COL1A2: variants seen among roughly 807,000 people sequenced by gnomAD.
COL1A2 encodes collagen type I alpha 2 chain.
A neutral mutation model predicts 174.3 loss-of-function variants in COL1A2; 49 were observed. The observed-to-expected ratio is 0.28, with a 90% CI of 0.22 to 0.36. The LOEUF (loss-of-function observed/expected upper bound fraction) is 0.36, where lower values mean the gene tolerates loss of function less well. Among genes scored for constraint, COL1A2 ranks in the 10% least tolerant of loss-of-function variants. The pLI is 1.00. For synonymous variants in COL1A2, 655 were observed against 606.6 expected (o/e 1.08, Z -1.17); for missense variants, 1,438 against 1,822.7 (o/e 0.79, Z 3.84).
rs779932887 is a variant in COL1A2, at chr7:94,400,246, T to TCCTGGTCCA, written c.192_200dup (p.Pro70_Gly72dup). ...ATGGTGAAGATGGTCCCACAGGCCCTCCTGGTCCACCTGGTCCTCCTGGCC... is the reference window on the plus strand; with the variant it reads ...ATGGTGAAGATGGTCCCACAGGCCCTCCTGGTCCACCTGGTCCACCTGGTCCTCCTGGCC... On this transcript the variant is annotated inframe_insertion, in exon 5 of 52. Transcript: ENST00000297268. The TCCTGGTCCA allele has an allele frequency of 1.1e-5, 17 of 1,612,378 alleles. No homozygotes were observed. The highest frequency in any genetic ancestry group is 1.2e-5 in the Non-Finnish European group (14 of 1,179,772).
rs770061994 is a variant in COL1A2 at position 94,428,388 on chromosome 7, C to A, written c.3622C>A (p.Pro1208Thr). The change falls in exon 50 of 52, where the codon CCT (proline) becomes ACT (threonine). Residue 1208 changes from proline (P) to threonine (T), a missense_variant. This residue lies in a region of COL1A2 where 290 missense variants were observed against 298.1 expected (regional missense o/e 0.97). Coordinates refer to ENST00000297268, the MANE Select transcript of COL1A2 (RefSeq NM_000089.4). ...TGGCGAAACCTGTATCCGGGCCCAACCTGAAAACATCCCAGCCAAGAACTG... is the reference window on the plus strand; with the variant it reads ...TGGCGAAACCTGTATCCGGGCCCAAACTGAAAACATCCCAGCCAAGAACTG... The part of the protein sequence containing the change: ...STGETCIRAQ[P>T]ENIPAKNWYR... 1 of 1,614,060 alleles carries A rather than the reference C, an allele frequency of 6.2e-7. No individual in the cohort carries two copies. The highest frequency in any genetic ancestry group is 8.5e-7 in the Non-Finnish European group (1 of 1,179,976).
In COL1A2 at chr7:94,418,571, G is replaced by C. The variant is rs746776060; in HGVS notation, c.2025+19G>C. On this transcript the variant is annotated intron_variant, in intron 33 of 51. Transcript: ENST00000297268. Reference sequence around the variant, plus strand: ...TGCTCGTGTGAGTAGAATTTTGTTTGTATGTTTCTTCGTACTTGGATTTTT... The same window carrying C: ...TGCTCGTGTGAGTAGAATTTTGTTTCTATGTTTCTTCGTACTTGGATTTTT... 1 of 1,606,222 alleles carries C rather than the reference G, an allele frequency of 6.2e-7. No individual in the cohort carries two copies. The highest frequency in any genetic ancestry group is 8.5e-7 in the Non-Finnish European group (1 of 1,177,398).
At chr7:94,419,602 T>C in intron 34 of COL1A2, 51 bp downstream of exon 34, 1 of 1,601,274 alleles carries the variant, frequency 6.2e-7, no homozygotes, top group East Asian at 2.2e-5. Context: ...ATTTCCCGCC[T>C]TCCCTAGTCC....
Position 94,409,010 on chromosome 7 carries a change from C to A in COL1A2, c.792+187C>A, listed in dbSNP as rs1791861701. On this transcript the variant is annotated intron_variant, in intron 16 of 51. Transcript: ENST00000297268. Reference sequence around the variant, plus strand: ...ATTTGAAATAGATCATTTCTCTGCACTGTGCACTGTGCCCATCGATATAGA... The same window carrying A: ...ATTTGAAATAGATCATTTCTCTGCAATGTGCACTGTGCCCATCGATATAGA... Among the ~76,000 whole-genome samples, 3 of 152,100 alleles carry A rather than the reference C, an allele frequency of 2.0e-5. No homozygotes were observed. In the South Asian group the frequency reaches 6.2e-4, roughly 32 times the overall value.
At position 94,416,411 on chromosome 7, in the gene COL1A2, C is replaced by T. The variant is rs1792042370; in HGVS notation, c.1771C>T (p.Arg591Cys). 5.7e-6 allele frequency: 9 copies of T among 1,572,690 alleles called. No individual in the cohort carries two copies. Among genetic ancestry groups the T allele is most frequent in the East Asian group, 4.7e-5 (2 of 42,698 alleles). The change falls in exon 31 of 52, where the codon CGC becomes TGC. Residue 591 changes from arginine to cysteine, a missense_variant. Physicochemically the swap from Arg to Cys is radical, Grantham distance 180. Transcript: ENST00000297268. ...LPGPAGPRGE[R>C]GPPGESGAAG... ...TTCTAATCACTTTTTTCAGGGGGAACGCGGTCCCCCAGGTGAGAGTGGTGC... is the reference window on the plus strand; with the variant it reads ...TTCTAATCACTTTTTTCAGGGGGAATGCGGTCCCCCAGGTGAGAGTGGTGC...
chr7:94,429,705 G>T (rs955973952), intron 51 of COL1A2: 20 of 368,228 alleles, frequency 5.4e-5, no homozygotes, highest in African/African-American at 3.1e-4. Flanking sequence ...TCCATGCATT[G>T]TTTTTTCTTT....
intron 16 of COL1A2, 113 bp from the exon 17 acceptor site, chr7:94,409,209 T>G: frequency 1.0e-6 from 1 of 1,003,512 alleles, no homozygotes; most frequent in Non-Finnish European, 1.6e-6. Flanking sequence ...ATAAGAAAAA[T>G]AATTGCAATT....
chr7:94,410,208 T>A lies in COL1A2; in HGVS notation c.1036-34T>A. On this transcript the variant is annotated intron_variant, in intron 19 of 51. Coordinates refer to ENST00000297268, the MANE Select transcript of COL1A2 (RefSeq NM_000089.4). ...CTGCAAGAGAGTTTCAACAAATGTTTGTCCTTTGACCACTGTTCTGTATTG... is the reference window on the plus strand; with the variant it reads ...CTGCAAGAGAGTTTCAACAAATGTTAGTCCTTTGACCACTGTTCTGTATTG... 2.5e-6 allele frequency: 4 copies of A among 1,609,740 alleles called. 1 individual carries two copies. In the South Asian group the frequency reaches 4.4e-5, roughly 18 times the overall value.
In COL1A2 at chr7:94,410,238, C is replaced by T. The variant is rs763364521; in HGVS notation, c.1036-4C>T. The T allele has an allele frequency of 6.2e-7, 1 of 1,613,636 alleles. No homozygotes were observed. Among genetic ancestry groups the T allele is most frequent in the Non-Finnish European group, 8.5e-7 (1 of 1,179,984 alleles). On this transcript the variant is annotated splice_polypyrimidine_tract_variant and splice_region_variant and intron_variant, in intron 19 of 51. Coordinates refer to ENST00000297268, the MANE Select transcript of COL1A2 (RefSeq NM_000089.4). ...TTTGACCACTGTTCTGTATTGAACC[C>T]TAGGGTGAGCCTGGTCCAGCTGGCT...
rs1792199255 is a variant in COL1A2 at position 94,422,982 on chromosome 7, C to G, written c.2429C>G (p.Pro810Arg). ...GGTATTTCTGGCCCTCCTGGTCCCCCTGGTCCTGCTGGGAAAGAAGGGCTT... is the reference window on the plus strand; with the variant it reads ...GGTATTTCTGGCCCTCCTGGTCCCCGTGGTCCTGCTGGGAAAGAAGGGCTT... ...PSGISGPPGP[P>R]GPAGKEGLRG... is the part of the protein sequence containing the mutation. Residue 810 changes from proline to arginine, a missense_variant, in exon 40 of 52, where the codon CCT becomes CGT. Physicochemically the swap from Pro to Arg is moderately radical, Grantham distance 103. Transcript: ENST00000297268. 6.2e-7 allele frequency: 1 copy of G among 1,614,132 alleles called. No homozygotes were observed. The highest frequency in any genetic ancestry group is 1.1e-5 in the South Asian group (1 of 91,070).
intron 32 of COL1A2, 151 bp downstream of exon 32, chr7:94,417,982 C>T: frequency 1.4e-6 from 1 of 699,330 alleles, no homozygotes; most frequent in East Asian, 2.7e-5. Context: ...AGCACCTACA[C>T]ATTTCTAAAC....
At chr7:94,418,264 G>A (rs1025872188) in intron 32 of COL1A2, among the ~76,000 whole-genome samples, 8 of 151,956 alleles carry the variant, frequency 5.3e-5, no homozygotes, top group African/African-American at 1.5e-4. Context: ...GAGAGTGTAC[G>A]GAAATTAGAA....
At chr7:94,399,198 C>A (rs1791640128) in intron 4 of COL1A2, 114 bp downstream of exon 4, 2 of 924,100 alleles carry the variant, frequency 2.2e-6, no homozygotes, top group Non-Finnish European at 3.5e-6. Context: ...AATTGTACAC[C>A]CCTTTAAACA....
intron 5 of COL1A2, among the ~76,000 whole-genome samples, chr7:94,401,235 A>G (rs1364056611): frequency 6.6e-6 from 1 of 152,140 alleles, no homozygotes; most frequent in Non-Finnish European, 1.5e-5. Context: ...CCTTAGTAAC[A>G]TTAAAAGTTT....
Position 94,424,325 on chromosome 7 carries a change from T to C in COL1A2, c.2566-11T>C. On this transcript the variant is annotated splice_polypyrimidine_tract_variant and intron_variant, in intron 40 of 51. Coordinates refer to ENST00000297268, the MANE Select transcript of COL1A2 (RefSeq NM_000089.4). ...CTTACCCATAATACTCAGTATTTTT[T>C]CTCTATTTAGGGACCTCCTGGCACT... 6.2e-7 allele frequency: 1 copy of C among 1,611,820 alleles called. No individual in the cohort carries two copies. Among genetic ancestry groups the C allele is most frequent in the South Asian group, 1.1e-5 (1 of 91,020 alleles).
At chr7:94,426,152 AT>A in intron 45 of COL1A2, 101 bp downstream of exon 45, 1 of 1,195,732 alleles carries the variant, frequency 8.4e-7, no homozygotes, top group African/African-American at 1.5e-5. Flanking sequence ...TAGACTTAAT[AT>A]TTTTTAAAAA....
intron 6 of COL1A2, among the ~76,000 whole-genome samples, chr7:94,402,023 T>A (rs982076458): frequency 1.3e-5 from 2 of 152,118 alleles, no homozygotes; most frequent in Non-Finnish European, 2.9e-5. Context: ...GGCATAGAAC[T>A]ATTTATTAAG....
At chr7:94,397,695 C>G in intron 1 of COL1A2, 53 bp from the exon 2 acceptor site, 1 of 1,001,798 alleles carries the variant, frequency 1.0e-6, no homozygotes, top group Non-Finnish European at 1.6e-6. Context: ...TGCTATTGAT[C>G]CATGAAGTGA....
In COL1A2 at chr7:94,409,794, C is replaced by T. The variant is rs138357977; in HGVS notation, c.1008C>T (p.Ala336=). Residue 336 remains alanine (A), a synonymous_variant, in exon 19 of 52, where the codon GCC becomes GCT. Coordinates refer to ENST00000297268, the MANE Select transcript of COL1A2 (RefSeq NM_000089.4). ...PRGIPGPVGA[A]GATGARGLVG... ...GTATTCCTGGCCCTGTTGGTGCTGC[C>T]GGTGCTACTGGTGCCAGAGGACTTG... 6.9e-5 allele frequency: 112 copies of T among 1,614,090 alleles called. No individual in the cohort carries two copies. In the African/African-American group the frequency reaches 1.1e-3, roughly 15 times the overall value.
Sources: gnomAD v4.1 joint callset for allele counts (sites outside exome capture counted in the v4.1 genomes callset) on GRCh38, gnomAD v4.1.1 for gene constraint, gnomAD v4.1.1 regional missense constraint, MANE v1.5 for transcripts, NCBI Gene and HGNC (gene_info 2026-07-23, HGNC 2026-07-21) for gene names.